Variants in FGF14 observed in about 807,000 individuals in gnomAD.
FGF14 encodes fibroblast growth factor homologous factor 4.
In FGF14, 5 loss-of-function variants were observed where a neutral mutation model predicts 25.5. The observed-to-expected ratio is 0.20, with a 90% CI of 0.10 to 0.41. The LOEUF (loss-of-function observed/expected upper bound fraction) is 0.41, where lower values mean the gene tolerates loss of function less well. Among genes scored for constraint, FGF14 ranks in the 10% least tolerant of loss-of-function variants. FGF14 has a pLI of 1.00. For missense variants in FGF14, 222 were observed against 320.1 expected (o/e 0.69, Z 2.34); for synonymous variants, 138 against 118.3 (o/e 1.17, Z -1.08).
chr13:102,321,629 T>C (rs2056247983), intron 1 of FGF14, among the ~76,000 whole-genome samples: 1 of 152,186 alleles, frequency 6.6e-6, no homozygotes, highest in Non-Finnish European at 1.5e-5. Flanking sequence ...AATAGGGACC[T>C]ACTGCCAAAA....
intron 1 of FGF14, among the ~76,000 whole-genome samples, chr13:102,358,074 T>C (rs1834644354): frequency 1.3e-5 from 2 of 152,192 alleles, no homozygotes; most frequent in South Asian, 4.1e-4. Context: ...TGGGCAAAAT[T>C]TTGAACTTTA....
intron 1 of FGF14, among the ~76,000 whole-genome samples, chr13:101,938,295 C>T (rs1174335156): frequency 6.6e-6 from 1 of 152,164 alleles, no homozygotes; most frequent in Admixed American, 6.5e-5. Context: ...AAAAAAAATC[C>T]ATTGGCATAG....
chr13:101,886,378 A>G (rs2045989263), intron 1 of FGF14, among the ~76,000 whole-genome samples: 2 of 152,170 alleles, frequency 1.3e-5, no homozygotes, highest in Non-Finnish European at 2.9e-5. Flanking sequence ...AGAGCCCAGA[A>G]ATGAATCCAC....
At chr13:102,244,833 C>T (rs921923848) in intron 1 of FGF14, among the ~76,000 whole-genome samples, 2 of 152,004 alleles carry the variant, frequency 1.3e-5, no homozygotes, top group African/African-American at 4.8e-5. Flanking sequence ...AAGGAAGAAC[C>T]ACATGTTTCT....
intron 3 of FGF14, among the ~76,000 whole-genome samples, chr13:101,756,391 G>A (rs887321719): frequency 6.6e-6 from 1 of 151,974 alleles, no homozygotes. Flanking sequence ...GAGTTTAGTT[G>A]TTTTTTTTAT....
At position 101,904,429 on chromosome 13, in the gene FGF14, A is replaced by T. The variant is rs528504073; in HGVS notation, c.193+12024T>A. Among the ~76,000 whole-genome samples the T allele has an allele frequency of 1.2e-4, 18 of 152,368 alleles. No individual in the cohort carries two copies. The South Asian group carries it at 3.3e-3, about 28-fold the overall frequency. On this transcript the variant is annotated intron_variant, in intron 1 of 4. Coordinates refer to ENST00000376143, the MANE Select transcript of FGF14 (RefSeq NM_004115.4). ...CCAATGAGAATGTTGCAGAAAATTT[A>T]AAAAAGAGAAGGAATAGCAGTGTGA...
intron 1 of FGF14, among the ~76,000 whole-genome samples, chr13:102,025,437 AC>A (rs2139895278): frequency 6.6e-6 from 1 of 151,764 alleles, no homozygotes; most frequent in Admixed American, 6.6e-5. Flanking sequence ...TTTTTTGGAG[AC>A]AGATCCATCA....
intron 1 of FGF14, among the ~76,000 whole-genome samples, chr13:102,185,001 A>C (rs1478448973): frequency 1.3e-5 from 2 of 152,220 alleles, no homozygotes; most frequent in Non-Finnish European, 2.9e-5. Context: ...GCCATTAAAC[A>C]TAAAAGCTTT....
intron 3 of FGF14, among the ~76,000 whole-genome samples, chr13:101,861,288 GTCC>G (rs2044402266): frequency 6.6e-6 from 1 of 152,024 alleles, no homozygotes; most frequent in Non-Finnish European, 1.5e-5. Context: ...CCACTTGGAT[GTCC>G]TGTGGGCAAA....
At chr13:101,870,888 G>A (rs764526720) in intron 2 of FGF14, among the ~76,000 whole-genome samples, 6 of 152,064 alleles carry the variant, frequency 3.9e-5, no homozygotes, top group African/African-American at 7.2e-5. Context: ...GGGAGGTGAA[G>A]GTTGCAGTGA....
intron 1 of FGF14, among the ~76,000 whole-genome samples, chr13:102,126,751 G>T (rs570223475): frequency 1.4e-3 from 215 of 152,204 alleles, no homozygotes; most frequent in African/African-American, 5.0e-3. Flanking sequence ...ATCATTTCCT[G>T]TATGCCAGCA....
intron 1 of FGF14, among the ~76,000 whole-genome samples, chr13:102,114,352 CCGTATGATGCCTTTTCA>C: frequency 6.6e-6 from 1 of 152,122 alleles, no homozygotes; most frequent in Non-Finnish European, 1.5e-5. Context: ...TTCTCCCATA[CCGTATGATGCCTTTTCA>C]CTCAGTTGAC....
intron 3 of FGF14, among the ~76,000 whole-genome samples, chr13:101,744,390 A>G (rs2036749505): frequency 6.6e-6 from 1 of 151,962 alleles, no homozygotes; most frequent in South Asian, 2.1e-4. Flanking sequence ...TAGTTTCCCC[A>G]TCTCCCTCCT....
At chr13:101,823,643 G>A in intron 3 of FGF14, among the ~76,000 whole-genome samples, 1 of 150,326 alleles carries the variant, frequency 6.7e-6, no homozygotes, top group East Asian at 2.0e-4. Context: ...CTCCATGTTG[G>A]TCAGGCTGGT....
At chr13:101,887,536 T>C (rs1046624705) in intron 1 of FGF14, among the ~76,000 whole-genome samples, 6 of 151,926 alleles carry the variant, frequency 3.9e-5, no homozygotes, top group African/African-American at 1.5e-4. Flanking sequence ...GGAGCTAAAA[T>C]AGTTGATCTC....
chr13:101,827,808 C>T (rs1165413811), intron 3 of FGF14, among the ~76,000 whole-genome samples: 1 of 151,472 alleles, frequency 6.6e-6, no homozygotes, highest in Non-Finnish European at 1.5e-5. Flanking sequence ...TTAATTGAAT[C>T]ATGCCAACAT....
intron 1 of FGF14, among the ~76,000 whole-genome samples, chr13:101,966,832 T>C (rs2139502981): frequency 6.6e-6 from 1 of 152,244 alleles, no homozygotes; most frequent in East Asian, 1.9e-4. Flanking sequence ...AGGGACGACC[T>C]AGAAATACAG....
intron 1 of FGF14, chr13:102,003,055 A>G (rs1566557779): frequency 6.6e-6 from 1 of 152,236 alleles, no homozygotes; most frequent in Admixed American, 6.5e-5. Context: ...ATAGACAGTT[A>G]CTTTGTTATA....
At chr13:101,926,278 G>T (rs914234576) in intron 1 of FGF14, among the ~76,000 whole-genome samples, 3 of 152,140 alleles carry the variant, frequency 2.0e-5, no homozygotes, top group Non-Finnish European at 4.4e-5. Flanking sequence ...CAGAATAGCT[G>T]CTTCCAAATA....
Sources: allele counts gnomAD v4.1 joint callset (sites outside exome capture counted in the v4.1 genomes callset), GRCh38; gene constraint gnomAD v4.1.1; transcripts MANE v1.5; gene names NCBI Gene and HGNC (gene_info 2026-07-23, HGNC 2026-07-21).